FAT3: variants seen among roughly 807,000 people sequenced by gnomAD.
The protein encoded by FAT3 is protocadherin Fat 3.
FAT3 carries 95 observed loss-of-function variants against 310.2 expected under a neutral mutation model. The observed-to-expected ratio is 0.31, with a 90% CI of 0.26 to 0.36. The LOEUF is 0.36. Among genes scored for constraint, FAT3 ranks in the 10% least tolerant of loss-of-function variants. FAT3 has a pLI of 1.00. For missense variants in FAT3, 5,408 were observed against 5,715.6 expected (o/e 0.95, Z 1.74); for synonymous variants, 2,314 against 2,192.9 (o/e 1.06, Z -1.54).
At chr11:92,248,612 T>G (rs2134271888) in intron 1 of FAT3, among the ~76,000 whole-genome samples, 1 of 152,224 alleles carries the variant, frequency 6.6e-6, no homozygotes, top group African/African-American at 2.4e-5. Flanking sequence ...AAATTTATTT[T>G]AAAGTTACCC....
intron 2 of FAT3, among the ~76,000 whole-genome samples, chr11:92,403,971 GGT>G (rs1466545827): frequency 6.6e-6 from 1 of 152,006 alleles, no homozygotes; most frequent in Non-Finnish European, 1.5e-5. Flanking sequence ...GGGAGGCGGA[GGT>G]TGCATGAGCC....
chr11:92,792,009 G>A (rs1354164449), intron 8 of FAT3, among the ~76,000 whole-genome samples: 1 of 152,134 alleles, frequency 6.6e-6, no homozygotes, highest in East Asian at 1.9e-4. Flanking sequence ...GATGGTCAGG[G>A]TTCTCTCAGC....
intron 1 of FAT3, among the ~76,000 whole-genome samples, chr11:92,245,342 G>C (rs1010312034): frequency 2.6e-5 from 4 of 152,058 alleles, no homozygotes; most frequent in African/African-American, 4.8e-5. Context: ...GGCCTGTCGG[G>C]GGGTGGCGGG....
chr11:92,336,248 G>A (rs1948075815), intron 1 of FAT3: 36 of 557,774 alleles, frequency 6.5e-5, no homozygotes, highest in South Asian at 5.0e-4. Flanking sequence ...TGTTCCAGAT[G>A]TCCAAAATGG....
At chr11:92,690,382 A>G (rs934483504) in intron 3 of FAT3, among the ~76,000 whole-genome samples, 3 of 152,196 alleles carry the variant, frequency 2.0e-5, no homozygotes, top group Admixed American at 6.5e-5. Flanking sequence ...TGCAGGCTTA[A>G]GCTCCATGGG....
chr11:92,406,444 G>A (rs966605190), intron 2 of FAT3, among the ~76,000 whole-genome samples: 1 of 152,090 alleles, frequency 6.6e-6, no homozygotes, highest in Non-Finnish European at 1.5e-5. Context: ...CTCTCTGATT[G>A]TATTTTTAGC....
rs1949656311 is a variant in FAT3 at position 92,387,649 on chromosome 11, CTTG to C, written c.3292+32250_3292+32252del. ...TTAATGATGCTTCTCAAGTTTCTGG[CTTG>C]TTGTGGTGTGCATGGAATGGTGAGA... On this transcript the variant is annotated intron_variant, in intron 2 of 27. Coordinates refer to ENST00000525166, the MANE Select transcript of FAT3 (RefSeq NM_001367949.2). 2.6e-5 allele frequency among the ~76,000 whole-genome samples: 4 copies of C among 152,202 alleles called. No individual in the cohort carries two copies. The East Asian group carries it at 7.7e-4, about 29-fold the overall frequency.
rs750548183 is a variant in FAT3 at position 92,882,771 on chromosome 11, G to A, written c.12315G>A (p.Glu4105=). The change falls in exon 24 of 28, where the codon GAG becomes GAA. Residue 4105 remains glutamate, a synonymous_variant. Coordinates refer to ENST00000525166, the MANE Select transcript of FAT3 (RefSeq NM_001367949.2). ...CEEDINECER[E]ECENGGSCVN... ...AGGACATCAATGAGTGCGAACGAGA[G>A]GAGTGTGAGAACGGAGGCTCCTGCG... is the stretch of plus-strand genomic sequence containing the variant. The A allele has an allele frequency of 1.9e-6, 3 of 1,611,082 alleles. No individual in the cohort carries two copies. The highest frequency in any genetic ancestry group is 2.5e-6 in the Non-Finnish European group (3 of 1,178,770).
chr11:92,302,459 T>C (rs1343400297), intron 1 of FAT3, among the ~76,000 whole-genome samples: 1 of 152,106 alleles, frequency 6.6e-6, no homozygotes, highest in African/African-American at 2.4e-5. Context: ...GGTTGTTTTA[T>C]TTCCTAATTT....
rs370180105 is a variant in FAT3, at chr11:92,697,360, T to A, written c.3608-24T>A. 14 of 1,611,496 alleles carry A rather than the reference T, an allele frequency of 8.7e-6. No individual in the cohort carries two copies. The African/African-American group carries it at 1.6e-4, about 18-fold the overall frequency. ...GCTGTTTGCCCCAGATATTTAAAAG[T>A]CAAATATTCTCATTTCTACACAGGT... On this transcript the variant is annotated intron_variant, in intron 3 of 27. Transcript: ENST00000525166.
chr11:92,603,352 C>T (rs777847629), intron 3 of FAT3, among the ~76,000 whole-genome samples: 3 of 152,124 alleles, frequency 2.0e-5, no homozygotes, highest in Non-Finnish European at 2.9e-5. Context: ...CCTTAACTCA[C>T]CAAAGCATAG....
At chr11:92,375,583 C>T (rs1949319753) in intron 2 of FAT3, among the ~76,000 whole-genome samples, 1 of 152,158 alleles carries the variant, frequency 6.6e-6, no homozygotes, top group Non-Finnish European at 1.5e-5. Context: ...GAACCCAGGA[C>T]TTGTAAACAT....
At chr11:92,709,932 T>G (rs1016195187) in intron 4 of FAT3, among the ~76,000 whole-genome samples, 32 of 152,100 alleles carry the variant, frequency 2.1e-4, no homozygotes, top group Admixed American at 1.2e-3. Flanking sequence ...AGAAGAAAGA[T>G]CTTAGATTTT....
chr11:92,879,725 TAAAAA>T (rs144768006), intron 22 of FAT3, among the ~76,000 whole-genome samples: 1 of 151,238 alleles, frequency 6.6e-6, no homozygotes, highest in Non-Finnish European at 1.5e-5. Context: ...AGGTTTGAAA[TAAAAA>T]AAAGCATAGT....
intron 1 of FAT3, among the ~76,000 whole-genome samples, chr11:92,326,064 A>G (rs1464898908): frequency 6.6e-6 from 1 of 152,246 alleles, no homozygotes; most frequent in Non-Finnish European, 1.5e-5. Context: ...TTGGGTAGGC[A>G]ACATAATATT....
At chr11:92,689,421 C>A (rs1417519339) in intron 3 of FAT3, among the ~76,000 whole-genome samples, 1 of 152,142 alleles carries the variant, frequency 6.6e-6, no homozygotes, top group East Asian at 1.9e-4. Flanking sequence ...TAAATAGCAC[C>A]TAAAGATGGC....
At chr11:92,828,267 A>G (rs1273586761) in intron 13 of FAT3, among the ~76,000 whole-genome samples, 1 of 152,168 alleles carries the variant, frequency 6.6e-6, no homozygotes, top group Non-Finnish European at 1.5e-5. Context: ...GGAACATGGC[A>G]AAGACCCAAA....
intron 2 of FAT3, among the ~76,000 whole-genome samples, chr11:92,356,362 A>G (rs568760119): frequency 6.6e-6 from 1 of 152,342 alleles, no homozygotes; most frequent in South Asian, 2.1e-4. Flanking sequence ...ATTTACATAC[A>G]TTAGATACTT....
At chr11:92,283,106 T>C (rs941513022) in intron 1 of FAT3, among the ~76,000 whole-genome samples, 2 of 152,178 alleles carry the variant, frequency 1.3e-5, no homozygotes, top group Non-Finnish European at 2.9e-5. Context: ...ACTTAGTAGG[T>C]GTTCTGTGCT....
Sources: allele counts gnomAD v4.1 joint callset (sites outside exome capture counted in the v4.1 genomes callset), GRCh38; gene constraint gnomAD v4.1.1; transcripts MANE v1.5; gene names NCBI Gene and HGNC (gene_info 2026-07-23, HGNC 2026-07-21).